PPP6R2: variants seen among roughly 807,000 people sequenced by gnomAD.
The protein encoded by PPP6R2 is protein phosphatase 6 regulatory subunit 2.
Under a neutral mutation model 100.2 loss-of-function variants are expected in PPP6R2, and 62 were observed. The ratio of observed to expected loss-of-function variants is 0.62; its 90% confidence interval spans 0.50 to 0.76. PPP6R2 has a LOEUF of 0.76. Ranked by LOEUF, PPP6R2 falls within the 30% of genes least tolerant of loss-of-function variation. The pLI, the probability that PPP6R2 is intolerant of heterozygous loss-of-function variation, is 0.00. For synonymous variants in PPP6R2, 525 were observed against 514.7 expected, an observed-to-expected ratio of 1.02 and a Z score of -0.27; for missense variants, 1,142 against 1,276.3, an observed-to-expected ratio of 0.89 and a Z score of 1.60.
Position 50,416,031 on chromosome 22 carries a change from G to T in PPP6R2, c.553-61G>T. 2.0e-6 allele frequency: 3 copies of T among 1,478,260 alleles called. No homozygotes were observed. The South Asian group carries it at 3.4e-5, about 17-fold the overall frequency. 91.6% of individuals were successfully genotyped at this position (1,478,260 alleles called of 1,614,324 possible). ...GTGCAGTGCTGCACCAAAGGGGAAA[G>T]GTTCCTGTTGTTTACTTAGACTTGA... On this transcript the variant is annotated intron_variant, in intron 5 of 23. Coordinates refer to ENST00000612753, the MANE Select transcript of PPP6R2 (RefSeq NM_001242898.2).
intron 2 of PPP6R2, among the ~76,000 whole-genome samples, chr22:50,390,523 G>A (rs923997251): frequency 4.6e-5 from 7 of 152,106 alleles, no homozygotes; most frequent in Non-Finnish European, 8.8e-5. Flanking sequence ...GCCAGGCGTG[G>A]TGGTTCACAC....
intron 1 of PPP6R2, among the ~76,000 whole-genome samples, chr22:50,357,915 C>T (rs1292190644): frequency 6.6e-6 from 1 of 151,368 alleles, no homozygotes; most frequent in Non-Finnish European, 1.5e-5. Flanking sequence ...TGAGCCACCG[C>T]ACCTGGCACC....
At chr22:50,419,554 G>A (rs2061019035) in intron 8 of PPP6R2, 92 bp downstream of exon 8, 2 of 898,234 alleles carry the variant, frequency 2.2e-6, no homozygotes, top group Middle Eastern at 2.2e-4. Flanking sequence ...TGTCATTTGT[G>A]GTTTTAATTT....
chr22:50,375,007 G>T (rs568656242), intron 2 of PPP6R2, among the ~76,000 whole-genome samples: 2 of 151,986 alleles, frequency 1.3e-5, no homozygotes, highest in African/African-American at 2.4e-5. Flanking sequence ...AGGTGTTAAG[G>T]TAAAGTTAAA....
At chr22:50,384,037 A>AAAAC (rs201204457) in intron 2 of PPP6R2, among the ~76,000 whole-genome samples, 30 of 145,956 alleles carry the variant, frequency 2.1e-4, no homozygotes, top group African/African-American at 6.4e-4. Context: ...CTCCATCTCA[A>AAAAC]AAAAAAAAAA....
chr22:50,346,226 G>GC (rs141178678), intron 1 of PPP6R2, among the ~76,000 whole-genome samples: 7,617 of 23,894 alleles, frequency 0.32, 1,753 homozygotes, highest in African/African-American at 0.51. Context: ...TCCAGTCAGT[G>GC]CCCCTCCAGT....
At chr22:50,356,561 A>G (rs187727207) in intron 1 of PPP6R2, among the ~76,000 whole-genome samples, 88 of 152,222 alleles carry the variant, frequency 5.8e-4, no homozygotes, top group African/African-American at 1.9e-3. Flanking sequence ...TTCTGTGGAC[A>G]TATGTTATTT....
At chr22:50,357,388 C>T (rs919316758) in intron 1 of PPP6R2, among the ~76,000 whole-genome samples, 5 of 151,348 alleles carry the variant, frequency 3.3e-5, no homozygotes, top group Non-Finnish European at 7.4e-5. Flanking sequence ...TCTTTCATCT[C>T]TTTCCCTCCC....
chr22:50,422,157 A>T, intron 8 of PPP6R2, 97 bp from the exon 9 acceptor site: 1 of 1,492,124 alleles, frequency 6.7e-7, no homozygotes, highest in Non-Finnish European at 9.1e-7. Context: ...GGAAAGTTAA[A>T]AGGGCTCTTT....
chr22:50,421,782 C>T (rs1301168364), intron 8 of PPP6R2, among the ~76,000 whole-genome samples: 10 of 152,064 alleles, frequency 6.6e-5, no homozygotes, highest in African/African-American at 2.2e-4. Flanking sequence ...GCAGGAGAAT[C>T]GCTTGAACCC....
chr22:50,414,385 A>G (rs1316772943), intron 4 of PPP6R2, among the ~76,000 whole-genome samples, 167 bp from the exon 5 acceptor site: 1 of 116,304 alleles, frequency 8.6e-6, no homozygotes, highest in South Asian at 2.9e-4. Flanking sequence ...GCCTGGTAGG[A>G]CTCTGCCTGT....
intron 2 of PPP6R2, among the ~76,000 whole-genome samples, chr22:50,381,397 C>A (rs2052975718): frequency 1.1e-5 from 1 of 91,124 alleles, no homozygotes; most frequent in Non-Finnish European, 2.2e-5. Flanking sequence ...ATCACACGGG[C>A]CCCACCTCAG....
chr22:50,356,462 C>T lies in PPP6R2; in HGVS notation c.-148+12912C>T, dbSNP rs1010202406. Among the ~76,000 whole-genome samples, 8 of 152,126 alleles carry T rather than the reference C, an allele frequency of 5.3e-5. No individual in the cohort carries two copies. In the East Asian group the frequency reaches 1.5e-3, roughly 29 times the overall value. ...GGACTGCAGGTACACACCACCATGT[C>T]CAGCTAATTTTTTTTTGTATTTTTA... On this transcript the variant is annotated intron_variant, in intron 1 of 23. Coordinates refer to ENST00000612753, the MANE Select transcript of PPP6R2 (RefSeq NM_001242898.2).
At chr22:50,428,763 G>A (rs1325178527) in intron 10 of PPP6R2, among the ~76,000 whole-genome samples, 1 of 152,012 alleles carries the variant, frequency 6.6e-6, no homozygotes, top group South Asian at 2.1e-4. Flanking sequence ...TGTCATTTGG[G>A]AACAAAGATA....
chr22:50,353,102 G>A (rs1471623763), intron 1 of PPP6R2, among the ~76,000 whole-genome samples: 1 of 152,152 alleles, frequency 6.6e-6, no homozygotes, highest in East Asian at 1.9e-4. Context: ...CAATAAAGCT[G>A]CTTTGCTTTA....
At chr22:50,441,082 G>T in intron 22 of PPP6R2, 56 bp downstream of exon 22, 1 of 1,400,400 alleles carries the variant, frequency 7.1e-7, no homozygotes, top group Non-Finnish European at 9.5e-7. Flanking sequence ...TGGCTTCCAG[G>T]CTCTGTCCCC....
intron 3 of PPP6R2, among the ~76,000 whole-genome samples, chr22:50,406,467 G>A (rs181411713): frequency 4.6e-5 from 7 of 152,312 alleles, no homozygotes; most frequent in Middle Eastern, 6.8e-3. Flanking sequence ...AGATATCAGC[G>A]TATAGGGCAT....
chr22:50,338,353 A>G (rs187591537), upstream of PPP6R2, among the ~76,000 whole-genome samples: 28,044 of 95,450 alleles, frequency 0.29, 2,947 homozygotes, highest in South Asian at 0.47. Context: ...TGTGTGTGGT[A>G]TATGGTGTGT....
At chr22:50,415,080 G>A (rs1204035743) in intron 5 of PPP6R2, among the ~76,000 whole-genome samples, 5 of 152,192 alleles carry the variant, frequency 3.3e-5, no homozygotes, top group Non-Finnish European at 7.3e-5. Flanking sequence ...CCGGTGGACA[G>A]CAGTTCCCTG....
Sources: gnomAD v4.1 joint callset for allele counts (sites outside exome capture counted in the v4.1 genomes callset) on GRCh38, gnomAD v4.1.1 for gene constraint, MANE v1.5 for transcripts, NCBI Gene and HGNC (gene_info 2026-07-23, HGNC 2026-07-21) for gene names.